PARM1: variants seen among roughly 807,000 people sequenced by gnomAD.
PARM1 encodes WSC4, cell wall integrity and stress response component 4 homolog.
A neutral mutation model predicts 24.6 loss-of-function variants in PARM1; 14 were observed. That is an observed-to-expected ratio of 0.57 (90% confidence interval 0.38 to 0.89). The LOEUF is 0.89. Ranked by LOEUF, PARM1 falls within the 40% of genes least tolerant of loss-of-function variation. The pLI is 0.00. For missense variants in PARM1, 362 were observed against 380.4 expected (o/e 0.95, Z 0.40); for synonymous variants, 179 against 156.6 (o/e 1.14, Z -1.07).
intron 1 of PARM1, among the ~76,000 whole-genome samples, chr4:74,980,598 A>G (rs1378671054): frequency 1.3e-5 from 2 of 152,222 alleles, no homozygotes; most frequent in African/African-American, 4.8e-5. Context: ...TTTTCACAGA[A>G]TTATAAAAAA....
intron 1 of PARM1, among the ~76,000 whole-genome samples, chr4:75,011,088 AACTC>A (rs1289895325): frequency 1.3e-5 from 2 of 152,126 alleles, no homozygotes; most frequent in Admixed American, 1.3e-4. Flanking sequence ...ATCCTGAGAG[AACTC>A]ACTCACTACC....
chr4:75,029,195 A>G (rs1723234446), intron 2 of PARM1, among the ~76,000 whole-genome samples: 1 of 152,218 alleles, frequency 6.6e-6, no homozygotes, highest in Admixed American at 6.5e-5. Flanking sequence ...GAGCTAAAGC[A>G]GGGAAAGGAA....
intron 2 of PARM1, among the ~76,000 whole-genome samples, chr4:75,028,630 G>A (rs1723223915): frequency 6.6e-6 from 1 of 152,194 alleles, no homozygotes. Context: ...TTCTAAATAA[G>A]CTGACTGGTG....
chr4:75,038,514 CA>C (rs1211141462), intron 3 of PARM1, among the ~76,000 whole-genome samples: 1 of 152,124 alleles, frequency 6.6e-6, no homozygotes, highest in African/African-American at 2.4e-5. Context: ...ATTCAAAGGA[CA>C]GGGGAGAGAA....
At chr4:74,983,775 C>G (rs1199801213) in intron 1 of PARM1, among the ~76,000 whole-genome samples, 2 of 152,184 alleles carry the variant, frequency 1.3e-5, no homozygotes, top group Non-Finnish European at 2.9e-5. Context: ...CTTTCCACCC[C>G]ACCCCTTCAC....
chr4:75,038,795 T>C (rs1254460567), intron 3 of PARM1, among the ~76,000 whole-genome samples: 2 of 152,230 alleles, frequency 1.3e-5, no homozygotes, highest in East Asian at 3.8e-4. Flanking sequence ...CTGTTTTGAT[T>C]TGTTTAAGTT....
intron 1 of PARM1, among the ~76,000 whole-genome samples, chr4:74,953,061 T>C (rs1000749580): frequency 7.2e-5 from 11 of 152,222 alleles, no homozygotes; most frequent in Non-Finnish European, 1.5e-4. Context: ...TGAAGAGCCA[T>C]AATCATATAC....
At chr4:74,999,574 A>C (rs773476761) in intron 1 of PARM1, among the ~76,000 whole-genome samples, 2 of 152,246 alleles carry the variant, frequency 1.3e-5, no homozygotes, top group Non-Finnish European at 2.9e-5. Flanking sequence ...GCCTTCCTCC[A>C]TATAATTTAG....
At chr4:75,020,495 C>A (rs559393307) in intron 2 of PARM1, among the ~76,000 whole-genome samples, 18 of 134,148 alleles carry the variant, frequency 1.3e-4, no homozygotes, top group East Asian at 3.9e-4. Context: ...CCTCATTTCC[C>A]CCCCCCCGCA....
At chr4:74,985,134 A>G (rs976439644) in intron 1 of PARM1, among the ~76,000 whole-genome samples, 1 of 152,226 alleles carries the variant, frequency 6.6e-6, no homozygotes, top group Non-Finnish European at 1.5e-5. Flanking sequence ...TTCCTCTGCC[A>G]TTACATCCCA....
intron 1 of PARM1, among the ~76,000 whole-genome samples, chr4:74,934,290 G>A (rs1721129976): frequency 6.6e-6 from 1 of 152,116 alleles, no homozygotes; most frequent in Admixed American, 6.5e-5. Flanking sequence ...GGTGCTGCTG[G>A]GAAAAGTAGC....
intron 1 of PARM1, among the ~76,000 whole-genome samples, chr4:74,992,000 G>A (rs561094095): frequency 2.5e-4 from 38 of 152,224 alleles, no homozygotes; most frequent in African/African-American, 8.9e-4. Context: ...CAGAATCCAG[G>A]AAAACACTTG....
At chr4:75,024,426 T>G (rs1252816636) in intron 2 of PARM1, among the ~76,000 whole-genome samples, 3 of 152,204 alleles carry the variant, frequency 2.0e-5, no homozygotes, top group African/African-American at 7.2e-5. Context: ...CCTGAAACTA[T>G]GACTCTCTGT....
chr4:75,007,073 C>T lies in PARM1; in HGVS notation c.44-5352C>T, dbSNP rs573027216. ...TCAAAAAGTGGGCGAAGGATATGAACAGACACTTCTCAAAAGAAGACATTT... is the reference window on the plus strand; with the variant it reads ...TCAAAAAGTGGGCGAAGGATATGAATAGACACTTCTCAAAAGAAGACATTT... On this transcript the variant is annotated intron_variant, in intron 1 of 3. Coordinates refer to ENST00000307428, the MANE Select transcript of PARM1 (RefSeq NM_015393.4). Among the ~76,000 whole-genome samples, 17 of 152,262 alleles carry T rather than the reference C, an allele frequency of 1.1e-4. No individual in the cohort carries two copies. The East Asian group carries it at 3.3e-3, about 29-fold the overall frequency.
chr4:75,046,044 G>A lies in PARM1; in HGVS notation c.849-119G>A, dbSNP rs1352249987. The A allele has an allele frequency of 6.1e-5, 40 of 659,514 alleles. No individual in the cohort carries two copies. In the Admixed American group the frequency reaches 8.4e-4, roughly 14 times the overall value. 40.9% of individuals were successfully genotyped at this position (659,514 alleles called of 1,614,324 possible). On this transcript the variant is annotated intron_variant, in intron 3 of 3. Coordinates refer to ENST00000307428, the MANE Select transcript of PARM1 (RefSeq NM_015393.4). ...GTGGGTCTGCTGTCCTAGTGAGAGC[G>A]TCACAACTTTCCCTCTCCCTGGCCC...
chr4:74,951,482 C>A (rs1411248851), intron 1 of PARM1, among the ~76,000 whole-genome samples: 2 of 152,060 alleles, frequency 1.3e-5, no homozygotes, highest in Non-Finnish European at 2.9e-5. Context: ...GGTACGTATG[C>A]AGAACATGCA....
At chr4:74,939,227 A>G (rs920124408) in intron 1 of PARM1, among the ~76,000 whole-genome samples, 1 of 152,188 alleles carries the variant, frequency 6.6e-6, no homozygotes, top group African/African-American at 2.4e-5. Context: ...GTTACCCTGC[A>G]CCATTTCATT....
chr4:75,019,314 T>A (rs1003329611), intron 2 of PARM1, among the ~76,000 whole-genome samples: 1 of 152,222 alleles, frequency 6.6e-6, no homozygotes, highest in African/African-American at 2.4e-5. Context: ...AAACAAGTAA[T>A]ATTCAAAACA....
intron 1 of PARM1, among the ~76,000 whole-genome samples, chr4:74,949,666 GTGT>G (rs1250124975): frequency 6.6e-6 from 1 of 152,114 alleles, no homozygotes; most frequent in Non-Finnish European, 1.5e-5. Flanking sequence ...CCTTTGAAAT[GTGT>G]TGTTAGAACA....
Sources: allele counts gnomAD v4.1 joint callset (sites outside exome capture counted in the v4.1 genomes callset), GRCh38; gene constraint gnomAD v4.1.1; transcripts MANE v1.5; gene names NCBI Gene and HGNC (gene_info 2026-07-23, HGNC 2026-07-21).